Variants in CGNL1 observed in about 807,000 individuals in gnomAD.
CGNL1 encodes cingulin-like protein 1.
A neutral mutation model predicts 141.2 loss-of-function variants in CGNL1; 132 were observed. The ratio of observed to expected loss-of-function variants is 0.93; its 90% CI spans 0.81 to 1.08. CGNL1 has a LOEUF of 1.08. CGNL1 is among the 50% of genes least tolerant of loss of function. CGNL1 has a pLI of 0.00. For synonymous variants in CGNL1, 690 were observed against 622.1 expected (o/e 1.11, Z -1.63); for missense variants, 1,870 against 1,588.6 (o/e 1.18, Z -3.01).
chr15:57,425,751 A>G (rs1352648696), intron 1 of CGNL1, among the ~76,000 whole-genome samples: 1 of 151,984 alleles, frequency 6.6e-6, no homozygotes, highest in African/African-American at 2.4e-5. Flanking sequence ...AAAAAAAAAA[A>G]AAAAAAAATC....
intron 8 of CGNL1, among the ~76,000 whole-genome samples, chr15:57,472,892 C>A (rs117294903): frequency 6.6e-6 from 1 of 152,068 alleles, no homozygotes; most frequent in Non-Finnish European, 1.5e-5. Flanking sequence ...AATGGGTCAG[C>A]GGTGGGAATA....
chr15:57,516,027 C>T (rs11635065), intron 8 of CGNL1, among the ~76,000 whole-genome samples: 25,787 of 151,398 alleles, frequency 0.17, 2,772 homozygotes, highest in East Asian at 0.45. Context: ...GGCGTGGTGG[C>T]GGGCGCCTGT....
At chr15:57,533,056 G>C (rs1300594910) in intron 14 of CGNL1, among the ~76,000 whole-genome samples, 3 of 152,218 alleles carry the variant, frequency 2.0e-5, no homozygotes, top group Non-Finnish European at 2.9e-5. Context: ...GCTCAAAGTA[G>C]AACGTGAATC....
chr15:57,460,410 G>T (rs1218730956), intron 7 of CGNL1, among the ~76,000 whole-genome samples: 2 of 152,182 alleles, frequency 1.3e-5, no homozygotes, highest in African/African-American at 4.8e-5. Flanking sequence ...AGTTTGGCAG[G>T]TAGCCAAGAT....
intron 14 of CGNL1, among the ~76,000 whole-genome samples, chr15:57,540,357 C>T (rs1338898622): frequency 1.3e-5 from 2 of 152,168 alleles, no homozygotes; most frequent in African/African-American, 4.8e-5. Flanking sequence ...TCATGTCTTA[C>T]ATGGCGGCAG....
intron 8 of CGNL1, among the ~76,000 whole-genome samples, chr15:57,506,583 C>T (rs79895096): frequency 0.028 from 4,220 of 152,256 alleles, 109 homozygotes; most frequent in East Asian, 0.1. Context: ...CTGGCAGGTT[C>T]GGGGCCTCCT....
At chr15:57,450,323 C>T (rs1040247300) in intron 4 of CGNL1, among the ~76,000 whole-genome samples, 1 of 152,328 alleles carries the variant, frequency 6.6e-6, no homozygotes, top group East Asian at 1.9e-4. Context: ...GTCACCCAGT[C>T]TGGAGTGCAG....
intron 8 of CGNL1, among the ~76,000 whole-genome samples, chr15:57,499,922 G>A (rs1695344286): frequency 1.3e-5 from 2 of 152,198 alleles, no homozygotes; most frequent in Admixed American, 1.3e-4. Flanking sequence ...GCTGAGGGGA[G>A]TTTGGATGCA....
chr15:57,432,417 G>T (rs999270732), intron 1 of CGNL1, among the ~76,000 whole-genome samples: 1 of 152,166 alleles, frequency 6.6e-6, no homozygotes, highest in Non-Finnish European at 1.5e-5. Context: ...GTTCTTCCAA[G>T]AGCTAAGCCC....
chr15:57,434,950 AAC>A lies in CGNL1; in HGVS notation c.-15-3031_-15-3030del, dbSNP rs2063087332. On this transcript the variant is annotated intron_variant, in intron 1 of 18. Coordinates refer to ENST00000281282, the MANE Select transcript of CGNL1 (RefSeq NM_032866.5). ...AGACATGAAACCCAGAAAATAATAT[AAC>A]ACAAAAGGAAGAGAGCAATGAGACC... Among the ~76,000 whole-genome samples, 11 of 152,314 alleles carry A rather than the reference AAC, an allele frequency of 7.2e-5. No individual in the cohort carries two copies. The South Asian group carries it at 1.9e-3, about 26-fold the overall frequency.
chr15:57,536,574 G>A (rs1212118098), intron 14 of CGNL1, among the ~76,000 whole-genome samples: 1 of 152,226 alleles, frequency 6.6e-6, no homozygotes, highest in African/African-American at 2.4e-5. Flanking sequence ...ATCATATACA[G>A]AAAGGTTTCT....
At chr15:57,462,017 T>A (rs771360001) in intron 8 of CGNL1, 125 bp downstream of exon 8, 79 of 743,072 alleles carry the variant, frequency 1.1e-4, no homozygotes, top group Non-Finnish European at 1.7e-4. Context: ...CATCAGATCA[T>A]GGACACAGAG....
At chr15:57,497,157 T>G (rs1595766007) in intron 8 of CGNL1, among the ~76,000 whole-genome samples, 1 of 152,066 alleles carries the variant, frequency 6.6e-6, no homozygotes, top group African/African-American at 2.4e-5. Context: ...TTCTGGCAGG[T>G]CTCTGTAAGT....
intron 1 of CGNL1, among the ~76,000 whole-genome samples, chr15:57,388,488 T>A (rs1473022367): frequency 2.0e-5 from 3 of 152,158 alleles, no homozygotes; most frequent in Non-Finnish European, 2.9e-5. Flanking sequence ...CCCTCCGGGG[T>A]TCTGTTCTAT....
chr15:57,543,608 T>C (rs1380917594), intron 14 of CGNL1, 88 bp from the exon 15 acceptor site: 17 of 1,177,584 alleles, frequency 1.4e-5, no homozygotes, highest in Non-Finnish European at 2.0e-5. Context: ...AAAGTGGAGG[T>C]TGACATTCAG....
At position 57,404,500 on chromosome 15, in the gene CGNL1, G is replaced by C. The variant is rs114308607; in HGVS notation, c.-16+27933G>C. The stretch of plus-strand genomic sequence containing the variant: ...TTGAAGGTGCTTATTGAAAAATATG[G>C]ATCCTTGTAGCGAACATTTTTGCAA... On this transcript the variant is annotated intron_variant, in intron 1 of 18. Coordinates refer to ENST00000281282, the MANE Select transcript of CGNL1 (RefSeq NM_032866.5). Among the ~76,000 whole-genome samples, 862 of 152,284 alleles carry C rather than the reference G, an allele frequency of 5.7e-3. 8 individuals carry two copies. Among genetic ancestry groups the C allele is most frequent in the African/African-American group, 0.02 (811 of 41,542 alleles).
At chr15:57,524,879 A>C (rs1474867270) in intron 12 of CGNL1, 128 bp downstream of exon 12, 9 of 935,746 alleles carry the variant, frequency 9.6e-6, no homozygotes, top group Non-Finnish European at 1.3e-5. Context: ...TTCATTCTTC[A>C]CCTTCTGGAT....
intron 1 of CGNL1, among the ~76,000 whole-genome samples, chr15:57,409,091 A>G (rs2062757277): frequency 7.5e-6 from 1 of 133,912 alleles, no homozygotes; most frequent in African/African-American, 2.8e-5. Context: ...TTGACTTCCT[A>G]CCCTCAGGCA....
At chr15:57,487,131 G>C (rs79481398) in intron 8 of CGNL1, among the ~76,000 whole-genome samples, 13,123 of 152,174 alleles carry the variant, frequency 0.086, 747 homozygotes, top group Admixed American at 0.15. Flanking sequence ...CAACTAGAAA[G>C]ACTAGGAGTA....
Sources: allele counts gnomAD v4.1 joint callset (sites outside exome capture counted in the v4.1 genomes callset), GRCh38; gene constraint gnomAD v4.1.1; transcripts MANE v1.5; gene names NCBI Gene and HGNC (gene_info 2026-07-23, HGNC 2026-07-21).